The following PDGFD variants were observed in gnomAD, a reference collection of about 807,000 sequenced individuals.
The protein encoded by PDGFD is platelet-derived growth factor D.
A neutral mutation model predicts 44.7 loss-of-function variants in PDGFD; 30 were observed. The observed-to-expected ratio is 0.67, with a 90% CI of 0.50 to 0.91. PDGFD has a LOEUF of 0.91. Among genes scored for constraint, PDGFD ranks in the 40% least tolerant of loss-of-function variants. The pLI is 0.00. For missense variants in PDGFD, 445 were observed against 457.8 expected (o/e 0.97, Z 0.25); for synonymous variants, 173 against 168.4 (o/e 1.03, Z -0.21).
At chr11:103,980,934 T>C (rs189408604) in intron 3 of PDGFD, among the ~76,000 whole-genome samples, 64 of 152,206 alleles carry the variant, frequency 4.2e-4, no homozygotes, top group Non-Finnish European at 8.2e-4. Flanking sequence ...TTCTGTTGCC[T>C]ATAAGCCACG....
chr11:104,120,370 C>G (rs1861759930), intron 1 of PDGFD, among the ~76,000 whole-genome samples: 1 of 151,738 alleles, frequency 6.6e-6, no homozygotes, highest in Non-Finnish European at 1.5e-5. Context: ...AGTTTAAAAT[C>G]CTAGTTTAAA....
At chr11:104,034,004 T>C (rs1397385314) in intron 1 of PDGFD, among the ~76,000 whole-genome samples, 1 of 152,200 alleles carries the variant, frequency 6.6e-6, no homozygotes, top group Non-Finnish European at 1.5e-5. Context: ...ACACTGTCTT[T>C]CCAGTTGAAA....
intron 3 of PDGFD, among the ~76,000 whole-genome samples, chr11:103,994,817 G>A (rs1425021722): frequency 6.6e-6 from 1 of 151,540 alleles, no homozygotes; most frequent in Admixed American, 6.6e-5. Flanking sequence ...ATGTCTCTGT[G>A]GGCCTAACGT....
chr11:104,132,792 A>G lies in PDGFD; in HGVS notation c.124+31012T>C, dbSNP rs1171777570. On this transcript the variant is annotated intron_variant, in intron 1 of 6. Transcript: ENST00000393158. Reference sequence around the variant, plus strand: ...GAGTACAATTAGTTGATTTTTCAAAATAAATCAACCTCCTTAATACTAAAC... The same window carrying G: ...GAGTACAATTAGTTGATTTTTCAAAGTAAATCAACCTCCTTAATACTAAAC... Among the ~76,000 whole-genome samples, 3 of 152,140 alleles carry G rather than the reference A, an allele frequency of 2.0e-5. No individual in the cohort carries two copies. In the East Asian group the frequency reaches 5.8e-4, roughly 29 times the overall value.
intron 1 of PDGFD, among the ~76,000 whole-genome samples, chr11:104,119,821 T>G (rs1861742759): frequency 8.4e-6 from 1 of 118,674 alleles, no homozygotes; most frequent in African/African-American, 3.3e-5. Context: ...TAAATAATTA[T>G]GTACTATATA....
intron 3 of PDGFD, among the ~76,000 whole-genome samples, chr11:103,985,358 C>T (rs772347119): frequency 2.7e-5 from 4 of 150,810 alleles, no homozygotes; most frequent in Non-Finnish European, 5.9e-5. Flanking sequence ...CACCACCATG[C>T]CTAAATTATT....
chr11:104,134,028 T>C (rs945377948), intron 1 of PDGFD, among the ~76,000 whole-genome samples: 4 of 152,190 alleles, frequency 2.6e-5, no homozygotes, highest in African/African-American at 7.2e-5. Context: ...CACAACTACA[T>C]GCATTTTAGT....
intron 3 of PDGFD, among the ~76,000 whole-genome samples, chr11:103,981,005 C>T (rs574914701): frequency 6.6e-6 from 1 of 152,072 alleles, no homozygotes; most frequent in African/African-American, 2.4e-5. Context: ...TATTTTGATT[C>T]TAACCCTCTG....
chr11:103,947,871 T>A (rs1376463565), intron 3 of PDGFD, 147 bp from the exon 4 acceptor site: 2 of 667,182 alleles, frequency 3.0e-6, no homozygotes, highest in Non-Finnish European at 5.5e-6. Flanking sequence ...GGTCACCATT[T>A]GTCTTAAGCA....
At chr11:104,050,333 G>A (rs1011256150) in intron 1 of PDGFD, among the ~76,000 whole-genome samples, 1 of 152,052 alleles carries the variant, frequency 6.6e-6, no homozygotes, top group Non-Finnish European at 1.5e-5. Flanking sequence ...AGAAGTGAAG[G>A]GAAGTAGGGA....
chr11:103,994,614 T>C (rs1591112128), intron 3 of PDGFD, among the ~76,000 whole-genome samples: 1 of 152,302 alleles, frequency 6.6e-6, no homozygotes, highest in African/African-American at 2.4e-5. Context: ...TCTGAAACTT[T>C]AATTCTTAAG....
chr11:104,027,839 T>C (rs913322296), intron 1 of PDGFD, among the ~76,000 whole-genome samples: 1 of 152,202 alleles, frequency 6.6e-6, no homozygotes, highest in Non-Finnish European at 1.5e-5. Flanking sequence ...ATTGATATTT[T>C]CAAAGAACAG....
intron 5 of PDGFD, among the ~76,000 whole-genome samples, chr11:103,941,712 G>GA (rs34054949): frequency 4.6e-5 from 7 of 151,854 alleles, no homozygotes; most frequent in African/African-American, 1.7e-4. Context: ...TTTCTAGGGG[G>GA]AAAAAAAGTA....
At chr11:103,992,627 G>T (rs1176499644) in intron 3 of PDGFD, among the ~76,000 whole-genome samples, 4 of 152,148 alleles carry the variant, frequency 2.6e-5, no homozygotes, top group Non-Finnish European at 5.9e-5. Context: ...CCATGCCCTG[G>T]GTGGGCACTG....
intron 1 of PDGFD, among the ~76,000 whole-genome samples, chr11:104,094,935 C>G (rs1490051978): frequency 6.6e-6 from 1 of 152,140 alleles, no homozygotes; most frequent in Non-Finnish European, 1.5e-5. Flanking sequence ...GTGACCCCTG[C>G]TAGGTTTCCA....
chr11:104,039,016 G>A (rs1405025516), intron 1 of PDGFD: 1 of 167,064 alleles, frequency 6.0e-6, no homozygotes, highest in Non-Finnish European at 1.5e-5. Flanking sequence ...TATCCATTCT[G>A]ACAATGTTAG....
chr11:104,057,960 C>G (rs10791662), intron 1 of PDGFD, among the ~76,000 whole-genome samples: 83,316 of 152,002 alleles, frequency 0.55, 24,102 homozygotes, highest in Non-Finnish European at 0.65. Context: ...AACAGAGAAT[C>G]CATAAGCAAA....
At chr11:103,945,301 T>C (rs1858652810) in intron 4 of PDGFD, among the ~76,000 whole-genome samples, 1 of 152,182 alleles carries the variant, frequency 6.6e-6, no homozygotes, top group Non-Finnish European at 1.5e-5. Flanking sequence ...TCTGTGTCTG[T>C]GTGTGTCTGC....
intron 1 of PDGFD, among the ~76,000 whole-genome samples, chr11:104,034,179 C>A (rs1312768709): frequency 6.6e-6 from 1 of 152,082 alleles, no homozygotes. Context: ...TTATTAATTT[C>A]TCCTGAATAC....
Sources: allele counts gnomAD v4.1 joint callset (sites outside exome capture counted in the v4.1 genomes callset), GRCh38; gene constraint gnomAD v4.1.1; transcripts MANE v1.5; gene names NCBI Gene and HGNC (gene_info 2026-07-23, HGNC 2026-07-21).